Variants in HEATR5A observed in about 807,000 individuals in gnomAD.
HEATR5A encodes HEAT repeat containing 5A, also known as HEAT repeat-containing protein 5A.
HEATR5A carries 178 observed loss-of-function variants against 218.8 expected under a neutral mutation model. The observed-to-expected ratio is 0.81, with a 90% confidence interval of 0.72 to 0.92. The LOEUF is 0.92. Among genes scored for constraint, HEATR5A ranks in the 40% least tolerant of loss-of-function variants. The probability of loss-of-function intolerance (pLI) is 0.00; values close to 1 mark genes in which losing one functional copy is unlikely to be tolerated. For synonymous variants in HEATR5A, 864 were observed against 871.6 expected, an observed-to-expected ratio of 0.99 and a Z score of 0.15; for missense variants, 2,420 against 2,418.9, an observed-to-expected ratio of 1.00 and a Z score of -0.01.
chr14:31,305,301 C>T, intron 31 of HEATR5A, 124 bp from the exon 32 acceptor site: 1 of 1,002,118 alleles, frequency 1.0e-6, no homozygotes, highest in Non-Finnish European at 1.4e-6. Context: ...CTCGCTCTGT[C>T]ACACAGGCTG....
intron 1 of HEATR5A, among the ~76,000 whole-genome samples, chr14:31,415,461 G>A (rs976577471): frequency 6.6e-6 from 1 of 152,184 alleles, no homozygotes; most frequent in Admixed American, 6.5e-5. Context: ...CAAAAGATAG[G>A]CAGATTCATA....
chr14:31,383,376 C>T (rs1208062882), intron 10 of HEATR5A, 145 bp downstream of exon 10: 7 of 720,364 alleles, frequency 9.7e-6, no homozygotes, highest in Middle Eastern at 8.4e-4. Flanking sequence ...TCTATTTATC[C>T]TCTAAAATAA....
At chr14:31,369,519 G>A (rs1264542995) in intron 13 of HEATR5A, among the ~76,000 whole-genome samples, 9 of 136,736 alleles carry the variant, frequency 6.6e-5, no homozygotes, top group Admixed American at 3.4e-4. Flanking sequence ...ACCGAAGCAG[G>A]AGAATAATTT....
intron 22 of HEATR5A, among the ~76,000 whole-genome samples, chr14:31,326,799 C>T (rs1490515170): frequency 1.3e-5 from 2 of 151,776 alleles, no homozygotes; most frequent in African/African-American, 2.4e-5. Context: ...CCCGCCACCA[C>T]GCCCAGCTAA....
chr14:31,315,100 G>A (rs1386836818), intron 27 of HEATR5A, among the ~76,000 whole-genome samples: 4 of 152,146 alleles, frequency 2.6e-5, no homozygotes, highest in South Asian at 2.1e-4. Context: ...TTGAAACTGG[G>A]AGGTGGAGGC....
chr14:31,384,741 G>C (rs2030141501), intron 9 of HEATR5A, among the ~76,000 whole-genome samples: 2 of 151,878 alleles, frequency 1.3e-5, no homozygotes, highest in South Asian at 4.2e-4. Context: ...TGGCCAGGTT[G>C]GTCTTGAACT....
At chr14:31,351,991 T>C (rs1015378093) in intron 16 of HEATR5A, among the ~76,000 whole-genome samples, 1 of 152,182 alleles carries the variant, frequency 6.6e-6, no homozygotes, top group Non-Finnish European at 1.5e-5. Context: ...ACCACTCTGC[T>C]ACTGGTGAGA....
rs146489043 is a variant in HEATR5A, at chr14:31,413,416, T to C, written c.-75+7056A>G. Among the ~76,000 whole-genome samples, 137 of 151,022 alleles carry C rather than the reference T, an allele frequency of 9.1e-4. 2 individuals carry two copies. The East Asian group carries it at 0.024, about 27-fold the overall frequency. ...TTTTTTTTTTTTCCAAAATACTGCA[T>C]GTTATTGTAAGGAATGAGAAAAATG... On this transcript the variant is annotated intron_variant, in intron 1 of 35. Transcript: ENST00000543095.
intron 16 of HEATR5A, among the ~76,000 whole-genome samples, chr14:31,351,379 G>T (rs973550742): frequency 6.6e-6 from 1 of 151,934 alleles, no homozygotes; most frequent in African/African-American, 2.4e-5. Context: ...TGTAGTCCTA[G>T]CTACCCAGGA....
chr14:31,419,881 G>A (rs972101187), intron 1 of HEATR5A, among the ~76,000 whole-genome samples: 3 of 152,266 alleles, frequency 2.0e-5, no homozygotes, highest in African/African-American at 7.2e-5. Flanking sequence ...TTCCTGGAGA[G>A]AACTGCAACA....
At chr14:31,400,644 G>A in intron 2 of HEATR5A, 132 bp from the exon 3 acceptor site, 1 of 633,336 alleles carries the variant, frequency 1.6e-6, no homozygotes, top group South Asian at 2.4e-5. Flanking sequence ...TTGACTGGAA[G>A]TTACAAATAA....
Position 31,344,045 on chromosome 14 carries a change from T to A in HEATR5A, c.3079A>T (p.Thr1027Ser). 1 of 1,543,580 alleles carries A rather than the reference T, an allele frequency of 6.5e-7. No individual in the cohort carries two copies. The highest frequency in any genetic ancestry group is 8.7e-7 in the Non-Finnish European group (1 of 1,145,662). The change falls in exon 21 of 36, where the codon ACC becomes TCC. Residue 1027 changes from threonine to serine, a missense_variant. Transcript: ENST00000543095. ...CCCAGTAGACAGGAAGTCCTTAAGG[T>A]AGAAATTGAAGTACTGTTACCTAAA... ...ELQGNSTSIS[T>S]LRTSCLLGCA...
rs191880287 is a variant in HEATR5A at position 31,376,795 on chromosome 14, A to C, written c.1709-1827T>G. Among the ~76,000 whole-genome samples the C allele has an allele frequency of 6.6e-5, 10 of 152,312 alleles. No homozygotes were observed. In the East Asian group the frequency reaches 1.9e-3, roughly 29 times the overall value. On this transcript the variant is annotated intron_variant, in intron 11 of 35. Transcript: ENST00000543095. ...ACAGAGAAGACATGTTTAAAATGCAAAGCAAAAATTAACAAAGCACTAAGA... is the reference window on the plus strand; with the variant it reads ...ACAGAGAAGACATGTTTAAAATGCACAGCAAAAATTAACAAAGCACTAAGA...
At chr14:31,353,959 T>A (rs11627179) in intron 16 of HEATR5A, among the ~76,000 whole-genome samples, 1 of 151,892 alleles carries the variant, frequency 6.6e-6, no homozygotes, top group Non-Finnish European at 1.5e-5. Context: ...ACACTACACC[T>A]GGCTAATTTT....
chr14:31,358,691 C>A lies in HEATR5A; in HGVS notation c.2357G>T (p.Ser786Ile), dbSNP rs754809088. 1.1e-5 allele frequency: 18 copies of A among 1,613,800 alleles called. 1 individual carries two copies. The South Asian group carries it at 2.0e-4, about 18-fold the overall frequency. ...KPLPPALSVI[S>I]SASKLFGVVC... ...AACCCCAAAGAGCTTGGATGCAGAACTAATAACTGATAGTGCTGGAGGTAA... is the reference window on the plus strand; with the variant it reads ...AACCCCAAAGAGCTTGGATGCAGAAATAATAACTGATAGTGCTGGAGGTAA... The change falls in exon 16 of 36, where the codon AGT (serine) becomes ATT (isoleucine). Residue 786 changes from serine to isoleucine, a missense_variant. Ser to Ile is a moderately radical substitution (Grantham distance 142). Coordinates refer to ENST00000543095, the MANE Select transcript of HEATR5A (RefSeq NM_015473.4).
At position 31,358,970 on chromosome 14, in the gene HEATR5A, G is replaced by T. The variant is rs1036368432; in HGVS notation, c.2159C>A (p.Pro720His). The change falls in exon 15 of 36, where the codon CCC becomes CAC. Residue 720 changes from proline (P) to histidine (H), a missense_variant. Pro to His is a moderately conservative substitution (Grantham distance 77). Transcript: ENST00000543095. ...CAAAAGATCATCCTGATGACAGAGG[G>T]GTGGAAGTAAAAATGTAGATGCTGC... is the stretch of plus-strand genomic sequence containing the variant. ...QVAASTFLLP[P>H]LCHQDDLLIL... 1.3e-6 allele frequency: 2 copies of T among 1,590,218 alleles called. No homozygotes were observed. Among genetic ancestry groups the T allele is most frequent in the Admixed American group, 2.0e-5 (1 of 51,130 alleles).
Position 31,358,715 on chromosome 14 carries a change from AAGGGC to A in HEATR5A, c.2328_2332del (p.Lys776AsnfsTer9), listed in dbSNP as rs1292463436. The stretch of plus-strand genomic sequence containing the variant: ...ACTAATAACTGATAGTGCTGGAGGT[AAGGGC>A]TTAGGCACTGAATCTCCCTCTACAT... On this transcript the variant is annotated frameshift_variant, in exon 16 of 36. Transcript: ENST00000543095. LOFTEE classifies it high-confidence loss of function. 6.2e-7 allele frequency: 1 copy of A among 1,613,830 alleles called. No homozygotes were observed. Among genetic ancestry groups the A allele is most frequent in the Non-Finnish European group, 8.5e-7 (1 of 1,179,854 alleles).
chr14:31,377,334 C>A (rs914090458), intron 11 of HEATR5A, among the ~76,000 whole-genome samples: 1 of 151,888 alleles, frequency 6.6e-6, no homozygotes, highest in Non-Finnish European at 1.5e-5. Flanking sequence ...AAAGATGAGA[C>A]AATTTGAGGA....
chr14:31,332,752 G>A (rs969821698), intron 22 of HEATR5A, among the ~76,000 whole-genome samples: 3 of 152,120 alleles, frequency 2.0e-5, no homozygotes, highest in East Asian at 3.9e-4. Context: ...TTGAGAGACC[G>A]AGGTGGGCGG....
Sources: allele counts gnomAD v4.1 joint callset (sites outside exome capture counted in the v4.1 genomes callset), GRCh38; gene constraint gnomAD v4.1.1; transcripts MANE v1.5; gene names NCBI Gene and HGNC (gene_info 2026-07-23, HGNC 2026-07-21).